The following LRRTM4 variants were observed in gnomAD, a reference collection of about 807,000 sequenced individuals.
LRRTM4 encodes leucine rich repeat transmembrane neuronal 4.
In LRRTM4, 25 loss-of-function variants were observed where a neutral mutation model predicts 47.6. The observed-to-expected ratio is 0.53, with a 90% CI of 0.38 to 0.73. The LOEUF (loss-of-function observed/expected upper bound fraction) is 0.73, where lower values mean the gene tolerates loss of function less well. Ranked by LOEUF, LRRTM4 falls within the 30% of genes least tolerant of loss-of-function variation. The probability of loss-of-function intolerance (pLI) is 0.00; values close to 1 mark genes in which losing one functional copy is unlikely to be tolerated. For missense variants in LRRTM4, 638 were observed against 713.4 expected, an observed-to-expected ratio of 0.89 and a Z score of 1.20; for synonymous variants, 311 against 269.5, an observed-to-expected ratio of 1.15 and a Z score of -1.51.
chr2:76,870,632 C>G (rs531875195), intron 3 of LRRTM4, among the ~76,000 whole-genome samples: 1 of 152,188 alleles, frequency 6.6e-6, no homozygotes, highest in South Asian at 2.1e-4. Context: ...ATCTCTACAG[C>G]TTTCATTTTT....
intron 3 of LRRTM4, among the ~76,000 whole-genome samples, chr2:76,802,693 A>C (rs1414133745): frequency 6.6e-6 from 1 of 152,108 alleles, no homozygotes; most frequent in East Asian, 1.9e-4. Flanking sequence ...GTATCATACT[A>C]CCTGACTTCC....
chr2:76,899,538 C>G (rs183906698), intron 3 of LRRTM4, among the ~76,000 whole-genome samples: 4 of 152,070 alleles, frequency 2.6e-5, no homozygotes. Context: ...GAGAAGATAT[C>G]CTACATGAAG....
intron 3 of LRRTM4, among the ~76,000 whole-genome samples, chr2:77,365,225 C>T (rs1465766775): frequency 2.0e-5 from 3 of 151,996 alleles, no homozygotes; most frequent in East Asian, 1.9e-4. Context: ...TGAATACTAA[C>T]GTTCTCAGAG....
chr2:77,142,855 A>C (rs1573004733), intron 3 of LRRTM4, among the ~76,000 whole-genome samples: 1 of 152,304 alleles, frequency 6.6e-6, no homozygotes, highest in East Asian at 1.9e-4. Context: ...ACTTACACAT[A>C]AGAAACCTGA....
intron 3 of LRRTM4, among the ~76,000 whole-genome samples, chr2:76,969,530 C>T (rs1040859947): frequency 6.6e-6 from 1 of 151,776 alleles, no homozygotes; most frequent in African/African-American, 2.4e-5. Flanking sequence ...ATTATTGGAA[C>T]CTGTTACTTT....
chr2:76,974,211 C>CATATATATATACATATATATAT (rs1440382318), intron 3 of LRRTM4, among the ~76,000 whole-genome samples: 1 of 118,232 alleles, frequency 8.5e-6, no homozygotes, highest in African/African-American at 3.8e-5. Flanking sequence ...TATATATATA[C>CATATATATATACATATATATAT]ACATATATAT....
intron 3 of LRRTM4, among the ~76,000 whole-genome samples, chr2:77,323,932 T>A (rs192562063): frequency 2.0e-5 from 3 of 152,188 alleles, no homozygotes; most frequent in Non-Finnish European, 4.4e-5. Flanking sequence ...TGTATAAAAA[T>A]TACCTGTATA....
At chr2:77,507,686 C>T (rs1922813) in intron 3 of LRRTM4, among the ~76,000 whole-genome samples, 142,155 of 152,018 alleles carry the variant, frequency 0.94, 66,527 homozygotes, top group African/African-American at 0.96. Context: ...ACACGCCACG[C>T]CCCAAAGGTG....
At chr2:77,178,454 C>G (rs544718667) in intron 3 of LRRTM4, among the ~76,000 whole-genome samples, 1 of 151,920 alleles carries the variant, frequency 6.6e-6, no homozygotes, top group African/African-American at 2.4e-5. Flanking sequence ...GGCGTGGTGG[C>G]GCGTGCCTGT....
intron 3 of LRRTM4, among the ~76,000 whole-genome samples, chr2:77,462,601 G>GA (rs5832281): frequency 0.29 from 44,639 of 151,546 alleles, 6,817 homozygotes; most frequent in African/African-American, 0.34. Context: ...GGCTCACCAG[G>GA]AAAAAATAAA....
chr2:76,868,390 A>G (rs1414667939), intron 3 of LRRTM4, among the ~76,000 whole-genome samples: 1 of 151,972 alleles, frequency 6.6e-6, no homozygotes, highest in Non-Finnish European at 1.5e-5. Context: ...TTTTCAAGAA[A>G]TTTTTTTTAG....
At chr2:77,068,014 A>G (rs1289495363) in intron 3 of LRRTM4, among the ~76,000 whole-genome samples, 5 of 152,142 alleles carry the variant, frequency 3.3e-5, no homozygotes, top group Non-Finnish European at 7.4e-5. Context: ...AGGATAAAGG[A>G]ATATATTAAA....
intron 3 of LRRTM4, among the ~76,000 whole-genome samples, chr2:77,086,521 A>G (rs1680722094): frequency 7.2e-6 from 1 of 138,288 alleles, no homozygotes; most frequent in Non-Finnish European, 1.5e-5. Context: ...CTTTTTGCCC[A>G]GGCTGGAGGG....
At chr2:77,430,222 A>G (rs912591708) in intron 3 of LRRTM4, among the ~76,000 whole-genome samples, 2 of 152,340 alleles carry the variant, frequency 1.3e-5, no homozygotes, top group East Asian at 3.9e-4. Context: ...TTATTCCACA[A>G]TGTATACATA....
chr2:76,804,265 A>AT (rs958733247), intron 3 of LRRTM4, among the ~76,000 whole-genome samples: 28 of 152,258 alleles, frequency 1.8e-4, no homozygotes, highest in Admixed American at 1.1e-3. Flanking sequence ...GTATTCTGAG[A>AT]TTTTTTAATT....
intron 3 of LRRTM4, among the ~76,000 whole-genome samples, chr2:76,756,706 A>ACCAAACC (rs1489157465): frequency 2.6e-5 from 4 of 152,108 alleles, no homozygotes; most frequent in African/African-American, 9.7e-5. Context: ...GGCCCATGCA[A>ACCAAACC]TCTCTGAGCT....
At chr2:76,804,227 G>T (rs1009376472) in intron 3 of LRRTM4, among the ~76,000 whole-genome samples, 1 of 152,098 alleles carries the variant, frequency 6.6e-6, no homozygotes, top group African/African-American at 2.4e-5. Flanking sequence ...CTTTGTTGAA[G>T]ATATTATGTA....
chr2:77,100,240 A>G lies in LRRTM4; in HGVS notation c.1552-351324T>C, dbSNP rs1012816697. On this transcript the variant is annotated intron_variant, in intron 3 of 3. Coordinates refer to ENST00000409884, the MANE Select transcript of LRRTM4 (RefSeq NM_001134745.3). ...CAACTTGGGTTGAGAAATTTATTTTACGTCATTAAACACTTCATCAGATAA... is the reference window on the plus strand; with the variant it reads ...CAACTTGGGTTGAGAAATTTATTTTGCGTCATTAAACACTTCATCAGATAA... Among the ~76,000 whole-genome samples the G allele has an allele frequency of 3.9e-5, 6 of 152,310 alleles. No individual in the cohort carries two copies. The East Asian group carries it at 1.2e-3, about 29-fold the overall frequency.
intron 3 of LRRTM4, among the ~76,000 whole-genome samples, chr2:76,994,379 T>C (rs1677124059): frequency 6.6e-6 from 1 of 151,886 alleles, no homozygotes; most frequent in South Asian, 2.1e-4. Context: ...TCCTGCAACA[T>C]ATAACCAATT....
Sources: gnomAD v4.1 joint callset for allele counts (sites outside exome capture counted in the v4.1 genomes callset) on GRCh38, gnomAD v4.1.1 for gene constraint, MANE v1.5 for transcripts, NCBI Gene and HGNC (gene_info 2026-07-23, HGNC 2026-07-21) for gene names.